The following ART3 variants were observed in gnomAD, a reference collection of about 807,000 sequenced individuals.
ART3 encodes the protein ecto-ADP-ribosyltransferase 3.
In ART3, 49 loss-of-function variants were observed where a neutral mutation model predicts 48.5. The observed-to-expected ratio is 1.01, with a 90% confidence interval of 0.80 to 1.28. The LOEUF (loss-of-function observed/expected upper bound fraction) is 1.28, where lower values mean the gene tolerates loss of function less well. Ranked by LOEUF, ART3 falls within the 50% of genes most tolerant of loss-of-function variation. The pLI is 0.00. For missense variants in ART3, 438 were observed against 454.3 expected (o/e 0.96, Z 0.33); for synonymous variants, 145 against 157.2 (o/e 0.92, Z 0.58).
At chr4:76,096,352 C>A (rs1267439561) in intron 3 of ART3, among the ~76,000 whole-genome samples, 1 of 152,214 alleles carries the variant, frequency 6.6e-6, no homozygotes, top group Non-Finnish European at 1.5e-5. Context: ...AGAAAGTGGA[C>A]CAAATCACCT....
chr4:76,069,386 CTTTTTTTTT>C (rs34858048), intron 1 of ART3, among the ~76,000 whole-genome samples: 2 of 110,126 alleles, frequency 1.8e-5, no homozygotes, highest in Admixed American at 2.2e-4. Flanking sequence ...TACTTAATTC[CTTTTTTTTT>C]TTTTTTTTTT....
intron 3 of ART3, among the ~76,000 whole-genome samples, chr4:76,091,156 C>T (rs1264957315): frequency 6.6e-6 from 1 of 152,136 alleles, no homozygotes; most frequent in Non-Finnish European, 1.5e-5. Context: ...TTGATGAGTA[C>T]GTGGGTTGTT....
At chr4:76,024,298 G>A (rs1733164758) in intron 1 of ART3, among the ~76,000 whole-genome samples, 2 of 152,044 alleles carry the variant, frequency 1.3e-5, no homozygotes, top group Admixed American at 1.3e-4. Context: ...TTTAAAAGCG[G>A]GGGGGCACGC....
At chr4:76,030,191 G>C (rs1279804745) in intron 1 of ART3, among the ~76,000 whole-genome samples, 4 of 152,118 alleles carry the variant, frequency 2.6e-5, no homozygotes, top group Admixed American at 1.3e-4. Flanking sequence ...TGAGTAGCTG[G>C]GATTACAGGC....
intron 3 of ART3, among the ~76,000 whole-genome samples, chr4:76,087,847 T>A (rs1723946875): frequency 6.6e-6 from 1 of 152,224 alleles, no homozygotes; most frequent in Admixed American, 6.5e-5. Flanking sequence ...TAGCCCAGGT[T>A]AACTAACTTT....
intron 1 of ART3, chr4:76,058,672 C>G (rs1270650069): frequency 6.6e-6 from 1 of 152,192 alleles, no homozygotes; most frequent in Non-Finnish European, 1.5e-5. Context: ...CACATACACA[C>G]AAACACAACA....
chr4:76,053,127 A>C, intron 1 of ART3, among the ~76,000 whole-genome samples: 1 of 152,204 alleles, frequency 6.6e-6, no homozygotes, highest in East Asian at 1.9e-4. Flanking sequence ...CCAGTGATTA[A>C]GGATTTGAAA....
chr4:76,035,876 G>T, intron 1 of ART3: 1 of 1,492,474 alleles, frequency 6.7e-7, no homozygotes, highest in Non-Finnish European at 9.3e-7. Flanking sequence ...AAAGACATTT[G>T]AAACATTAGA....
chr4:76,109,244 CCT>C (rs1491163476), intron 11 of ART3, among the ~76,000 whole-genome samples: 1 of 119,718 alleles, frequency 8.4e-6, no homozygotes, highest in African/African-American at 3.2e-5. Context: ...TTTTTTATCA[CCT>C]TTTTTTTTAA....
intron 3 of ART3, among the ~76,000 whole-genome samples, chr4:76,092,485 A>G (rs1725114312): frequency 6.6e-6 from 1 of 152,150 alleles, no homozygotes; most frequent in Non-Finnish European, 1.5e-5. Context: ...TGCTTCTGAC[A>G]AAAAAATCTG....
At chr4:76,097,537 G>C (rs1335861918) in intron 3 of ART3, 107 bp from the exon 4 acceptor site, 1 of 952,556 alleles carries the variant, frequency 1.0e-6, no homozygotes, top group Non-Finnish European at 1.6e-6. Context: ...TTATGAGTCT[G>C]ATAAACCAGG....
At chr4:76,104,092 G>C (rs750137028) in intron 9 of ART3, 123 bp downstream of exon 9, 191 of 1,101,048 alleles carry the variant, frequency 1.7e-4, no homozygotes, top group Non-Finnish European at 2.5e-4. Context: ...CTACCTGCCA[G>C]TCATCTACAA....
intron 3 of ART3, among the ~76,000 whole-genome samples, chr4:76,086,131 T>C (rs113679876): frequency 5.3e-5 from 8 of 150,114 alleles, no homozygotes; most frequent in African/African-American, 2.0e-4. Context: ...CTTGGGTATA[T>C]ACCCCAAAGA....
intron 5 of ART3, among the ~76,000 whole-genome samples, 198 bp from the exon 6 acceptor site, chr4:76,100,093 G>A (rs73826315): frequency 0.012 from 1,855 of 152,274 alleles, 40 homozygotes; most frequent in African/African-American, 0.042. Flanking sequence ...AATAGTAGGG[G>A]CAGAGAATGT....
At chr4:76,036,426 A>G (rs1734413384) in intron 1 of ART3, among the ~76,000 whole-genome samples, 1 of 152,162 alleles carries the variant, frequency 6.6e-6, no homozygotes, top group African/African-American at 2.4e-5. Flanking sequence ...ACATATCTAT[A>G]CAAAATAATA....
chr4:76,058,412 A>T (rs1718887260), intron 1 of ART3, among the ~76,000 whole-genome samples: 2 of 152,188 alleles, frequency 1.3e-5, no homozygotes, highest in East Asian at 1.9e-4. Flanking sequence ...AAATTGCCAG[A>T]GGTGTAAAGT....
At chr4:76,034,685 A>C in intron 1 of ART3, 1 of 883,802 alleles carries the variant, frequency 1.1e-6, no homozygotes, top group Non-Finnish European at 1.8e-6. Flanking sequence ...AACCATAGAA[A>C]AGTCTCAGTT....
intron 3 of ART3, among the ~76,000 whole-genome samples, chr4:76,089,641 A>G (rs952839943): frequency 6.6e-6 from 1 of 152,188 alleles, no homozygotes; most frequent in African/African-American, 2.4e-5. Flanking sequence ...ATATTTCTTT[A>G]TAGCAGTGGG....
chr4:76,043,358 A>G (rs983508988), intron 1 of ART3, among the ~76,000 whole-genome samples: 14 of 151,930 alleles, frequency 9.2e-5, no homozygotes, highest in Admixed American at 2.0e-4. Context: ...GGCACTCGTC[A>G]GGGAGGCTCG....
Sources: allele counts gnomAD v4.1 joint callset (sites outside exome capture counted in the v4.1 genomes callset), GRCh38; gene constraint gnomAD v4.1.1; transcripts MANE v1.5; gene names NCBI Gene and HGNC (gene_info 2026-07-23, HGNC 2026-07-21).